The following LARP4B variants were observed in gnomAD, a reference collection of about 807,000 sequenced individuals.
The protein encoded by LARP4B is La ribonucleoprotein 4B, also known as la-related protein 4B.
In LARP4B, 12 loss-of-function variants were observed where a neutral mutation model predicts 89.8. The observed-to-expected ratio is 0.13, with a 90% CI of 0.09 to 0.22. LARP4B has a LOEUF of 0.22. Among genes scored for constraint, LARP4B ranks in the 10% least tolerant of loss-of-function variants. LARP4B has a pLI of 1.00. For synonymous variants in LARP4B, 367 were observed against 363.3 expected, an observed-to-expected ratio of 1.01 and a Z score of -0.12; for missense variants, 757 against 947.7, an observed-to-expected ratio of 0.80 and a Z score of 2.64.
intron 3 of LARP4B, among the ~76,000 whole-genome samples, chr10:883,225 A>G (rs1422342953): frequency 3.9e-5 from 6 of 152,236 alleles, no homozygotes; most frequent in African/African-American, 1.4e-4. Flanking sequence ...TAAAAAATCA[A>G]TGTGCACCGG....
chr10:930,243 A>G (rs1207570850), intron 1 of LARP4B, among the ~76,000 whole-genome samples: 1 of 152,226 alleles, frequency 6.6e-6, no homozygotes, highest in Non-Finnish European at 1.5e-5. Context: ...GAAAGGGAAA[A>G]TAACTTGTCT....
intron 14 of LARP4B, chr10:820,510 G>A (rs1026787932): frequency 2.6e-6 from 1 of 377,684 alleles, no homozygotes; most frequent in Admixed American, 4.3e-5. Flanking sequence ...GCACACCCGT[G>A]TGTAGGCTGC....
intron 1 of LARP4B, among the ~76,000 whole-genome samples, chr10:930,986 CCGA>C (rs1830574003): frequency 6.7e-6 from 1 of 150,314 alleles, no homozygotes; most frequent in Non-Finnish European, 1.5e-5. Context: ...CAGGCCCTGC[CCGA>C]CCCCCGTCCT....
At position 814,699 on chromosome 10, in the gene LARP4B, G is replaced by A. The variant is rs1489927745; in HGVS notation, c.1929+43C>T. 2 of 1,559,788 alleles carry A rather than the reference G, an allele frequency of 1.3e-6. No individual in the cohort carries two copies. The highest frequency in any genetic ancestry group is 1.7e-6 in the Non-Finnish European group (2 of 1,151,340). Reference sequence around the variant, plus strand: ...GTGCGCAGCGTCTGTTCACACCAGAGCCTCGCGGCTGTCGTGCAGGAAGGC... The same window carrying A: ...GTGCGCAGCGTCTGTTCACACCAGAACCTCGCGGCTGTCGTGCAGGAAGGC... On this transcript the variant is annotated intron_variant, in intron 17 of 17. Transcript: ENST00000316157. The surrounding 1 kb of genome is among the most constrained non-coding windows in gnomAD (Gnocchi z 4.4).
the LARP4B span, among the ~76,000 whole-genome samples, chr10:966,767 T>A: frequency 6.6e-6 from 1 of 152,130 alleles, no homozygotes; most frequent in Non-Finnish European, 1.5e-5. Flanking sequence ...GAAGGTGTGT[T>A]CTCTGGACCA....
chr10:839,422 A>C (rs1833402363), intron 7 of LARP4B, among the ~76,000 whole-genome samples: 1 of 152,232 alleles, frequency 6.6e-6, no homozygotes, highest in African/African-American at 2.4e-5. Context: ...CTGTTATAAA[A>C]AATAAAGTCT....
At chr10:828,114 A>C (rs1262770752) in intron 11 of LARP4B, among the ~76,000 whole-genome samples, 1 of 152,146 alleles carries the variant, frequency 6.6e-6, no homozygotes, top group African/African-American at 2.4e-5. Context: ...TCCCACAAGC[A>C]CTAGGCCAAA....
intron 1 of LARP4B, among the ~76,000 whole-genome samples, chr10:891,144 CAA>C (rs527982203): frequency 5.7e-5 from 8 of 139,846 alleles, no homozygotes; most frequent in Admixed American, 1.4e-4. Flanking sequence ...AGTGGTCTTG[CAA>C]AAAAAAAAAA....
the LARP4B span, among the ~76,000 whole-genome samples, chr10:979,118 T>G: frequency 6.6e-6 from 1 of 152,210 alleles, no homozygotes; most frequent in Non-Finnish European, 1.5e-5. Flanking sequence ...TATTTATCAT[T>G]CTGGTACTTT....
the LARP4B span, among the ~76,000 whole-genome samples, chr10:956,494 C>T: frequency 2.6e-5 from 4 of 151,992 alleles, no homozygotes; most frequent in South Asian, 2.1e-4. The surrounding 1 kb of genome is among the most constrained non-coding windows in gnomAD (Gnocchi z 4.3). Flanking sequence ...TACAGGCGCC[C>T]GCCACCACGC....
At chr10:843,687 G>T (rs1455589422) in intron 6 of LARP4B, among the ~76,000 whole-genome samples, 3 of 151,864 alleles carry the variant, frequency 2.0e-5, no homozygotes, top group Non-Finnish European at 4.4e-5. Flanking sequence ...CGACAAGAGT[G>T]AAACTCTGAC....
chr10:988,336 G>T, the LARP4B span: 2 of 684,426 alleles, frequency 2.9e-6, no homozygotes, highest in Non-Finnish European at 5.1e-6. Flanking sequence ...GTGCGACGCG[G>T]AAAGCGCCGT....
chr10:973,136 G>A, the LARP4B span: 1 of 353,260 alleles, frequency 2.8e-6, no homozygotes, highest in Non-Finnish European at 5.6e-6. Flanking sequence ...GGTGATGGAG[G>A]GGGATGTGCT....
chr10:986,308 T>A, the LARP4B span: 1 of 152,202 alleles, frequency 6.6e-6, no homozygotes, highest in Non-Finnish European at 1.5e-5. Context: ...AGGTACACAC[T>A]CAGAGGCGTC....
the LARP4B span, among the ~76,000 whole-genome samples, chr10:937,614 C>G: frequency 6.6e-6 from 1 of 152,128 alleles, no homozygotes; most frequent in Admixed American, 6.6e-5. Flanking sequence ...CACTATGTGT[C>G]TGCCTCAGTT....
intron 3 of LARP4B, among the ~76,000 whole-genome samples, chr10:874,234 C>CAAAAAAAAAA (rs60052105): frequency 2.0e-5 from 3 of 151,900 alleles, no homozygotes; most frequent in Non-Finnish European, 4.4e-5. Flanking sequence ...GACTCCATCT[C>CAAAAAAAAAA]AAACAAAACA....
intron 8 of LARP4B, among the ~76,000 whole-genome samples, chr10:831,487 A>C (rs1231267243): frequency 6.6e-6 from 1 of 152,232 alleles, no homozygotes; most frequent in Non-Finnish European, 1.5e-5. Context: ...GTTGGCCTTC[A>C]GTGCCTGGGC....
chr10:926,906 C>A (rs1314762292), intron 1 of LARP4B, among the ~76,000 whole-genome samples: 1 of 152,034 alleles, frequency 6.6e-6, no homozygotes, highest in Non-Finnish European at 1.5e-5. Flanking sequence ...CGTGGTGGCA[C>A]GCACCTGTAT....
rs1172147463 is a variant in LARP4B, at chr10:829,502, G to A, written c.1008C>T (p.Arg336=). 6.2e-7 allele frequency: 1 copy of A among 1,614,186 alleles called. No individual in the cohort carries two copies. The part of the protein sequence containing the change: ...PLDVSLYAQQ[R]YATSFYFPPM... ...GAGGGAAGTAGAACGACGTCGCGTA[G>A]CGCTGCTGGGCATACAGGCTCACGT... Residue 336 remains arginine, a synonymous_variant, in exon 11 of 18, where the codon CGC becomes CGT. Transcript: ENST00000316157.
Sources: allele counts gnomAD v4.1 joint callset (sites outside exome capture counted in the v4.1 genomes callset), GRCh38; gene constraint gnomAD v4.1.1; non-coding constraint Gnocchi (gnomAD v3.1); transcripts MANE v1.5; gene names NCBI Gene and HGNC (gene_info 2026-07-23, HGNC 2026-07-21).